COG4: variants seen among roughly 807,000 people sequenced by gnomAD.
The protein encoded by COG4 is component of oligomeric golgi complex 4, also known as conserved oligomeric Golgi complex subunit 4.
COG4 carries 65 observed loss-of-function variants against 95.1 expected under a neutral mutation model. The observed-to-expected ratio is 0.68, with a 90% CI of 0.56 to 0.84. The LOEUF is 0.84. Among genes scored for constraint, COG4 ranks in the 40% least tolerant of loss-of-function variants. COG4 has a pLI of 0.00. For synonymous variants in COG4, 421 were observed against 374.8 expected (o/e 1.12, Z -1.42); for missense variants, 1,045 against 989.1 (o/e 1.06, Z -0.76).
rs1237710539 is a variant in COG4 at position 70,506,593 on chromosome 16, C to CAAAAAAAA, written c.1061+1805_1061+1812dup. ...CCTGGGCAACAGAGCGAGACTGCCT[C>CAAAAAAAA]AAAAAAAAAAAAAAAAAAAAAAAAC... On this transcript the variant is annotated intron_variant, in intron 8 of 18. Coordinates refer to ENST00000323786, the MANE Select transcript of COG4 (RefSeq NM_015386.3). Among the ~76,000 whole-genome samples, 105 of 14,690 alleles carry CAAAAAAAA rather than the reference C, an allele frequency of 7.1e-3. 34 individuals are homozygous for CAAAAAAAA. Among genetic ancestry groups the CAAAAAAAA allele is most frequent in the East Asian group, 0.024 (6 of 246 alleles). The allele number at this position is 14,690 out of a possible 152,430, so 9.6% of individuals were successfully genotyped here. A position where few individuals can be genotyped will look rare whatever the true frequency, so the allele number is the denominator to read the frequency against.
intron 13 of COG4, among the ~76,000 whole-genome samples, chr16:70,486,722 C>T (rs1474390225): frequency 3.9e-5 from 6 of 152,218 alleles, no homozygotes; most frequent in East Asian, 1.9e-4. Flanking sequence ...GTCGGCCGGG[C>T]GCCGTGGCTC....
At chr16:70,503,677 C>G (rs1394974533) in intron 8 of COG4, among the ~76,000 whole-genome samples, 1 of 122,934 alleles carries the variant, frequency 8.1e-6, no homozygotes, top group Non-Finnish European at 1.5e-5. Flanking sequence ...TCACTGCAAG[C>G]TCCGCCTCTT....
At chr16:70,512,154 A>C (rs1005930866) in intron 5 of COG4, 85 bp downstream of exon 5, 1 of 1,253,702 alleles carries the variant, frequency 8.0e-7, no homozygotes, top group African/African-American at 1.5e-5. Context: ...GAGAGAAAGT[A>C]TCCACAGAAA....
At chr16:70,513,889 C>T (rs570119246) in intron 4 of COG4, among the ~76,000 whole-genome samples, 14 of 152,216 alleles carry the variant, frequency 9.2e-5, no homozygotes, top group Admixed American at 7.9e-4. Flanking sequence ...TGGTACAGGA[C>T]CTACGTATGG....
Position 70,510,747 on chromosome 16 carries a change from A to G in COG4, c.739-726T>C, listed in dbSNP as rs187481067. On this transcript the variant is annotated intron_variant, in intron 5 of 18. Transcript: ENST00000323786. ...GATGTCAAAGTATACTGATAAAAAAAGTACCATAGAGCAGGTTTCCTTTTT... is the reference window on the plus strand; with the variant it reads ...GATGTCAAAGTATACTGATAAAAAAGGTACCATAGAGCAGGTTTCCTTTTT... Among the ~76,000 whole-genome samples, 272 of 152,204 alleles carry G rather than the reference A, an allele frequency of 1.8e-3. 1 individual carries two copies. The highest frequency in any genetic ancestry group is 6.4e-3 in the African/African-American group (264 of 41,552).
intron 8 of COG4, among the ~76,000 whole-genome samples, chr16:70,505,255 T>C (rs1217948027): frequency 2.0e-5 from 3 of 148,580 alleles, no homozygotes; most frequent in East Asian, 2.0e-4. Flanking sequence ...TGGAGTGCAG[T>C]GGCACGATAT....
chr16:70,517,538 T>C, intron 3 of COG4, 88 bp downstream of exon 3: 1 of 772,290 alleles, frequency 1.3e-6, no homozygotes, highest in South Asian at 1.5e-5. Context: ...TAGTGAGCTG[T>C]CATTGTACCA....
chr16:70,523,304 G>T, intron 1 of COG4, 69 bp downstream of exon 1: 1 of 1,584,338 alleles, frequency 6.3e-7, no homozygotes, highest in Admixed American at 1.7e-5. Context: ...CCCACAGCCC[G>T]GATTTCCCGA....
At chr16:70,519,626 C>CT in intron 2 of COG4, 23 bp downstream of exon 2, 1 of 1,579,088 alleles carries the variant, frequency 6.3e-7, no homozygotes, top group Non-Finnish European at 8.7e-7. Context: ...TACATTAGCT[C>CT]TTGCTGAGAT....
At chr16:70,493,538 A>C (rs188319644) in intron 12 of COG4, among the ~76,000 whole-genome samples, 21 of 152,314 alleles carry the variant, frequency 1.4e-4, no homozygotes, top group Admixed American at 3.9e-4. Flanking sequence ...TGCAATGAGT[A>C]AGAGAGTGAA....
At chr16:70,487,180 A>C (rs1271769110) in intron 13 of COG4, among the ~76,000 whole-genome samples, 14 of 151,018 alleles carry the variant, frequency 9.3e-5, no homozygotes, top group Admixed American at 9.3e-4. Context: ...AATCCCAGCA[A>C]CTTAGGAAGC....
At chr16:70,491,210 C>A (rs1385239765) in intron 12 of COG4, among the ~76,000 whole-genome samples, 1 of 152,104 alleles carries the variant, frequency 6.6e-6, no homozygotes, top group Non-Finnish European at 1.5e-5. Flanking sequence ...GGAAATGAGA[C>A]TCCTCAGAAG....
intron 7 of COG4, 147 bp downstream of exon 7, chr16:70,509,084 G>C: frequency 1.0e-6 from 1 of 980,192 alleles, no homozygotes; most frequent in Non-Finnish European, 1.6e-6. Context: ...GCTGTCAATG[G>C]GCAAGATGCA....
Position 70,517,751 on chromosome 16 carries a change from A to G in COG4, c.255-11T>C, listed in dbSNP as rs754382281. The G allele has an allele frequency of 1.3e-6, 2 of 1,574,748 alleles. No individual in the cohort carries two copies. The highest frequency in any genetic ancestry group is 1.7e-5 in the Admixed American group (1 of 59,944). ...AGCTGCAGATTAGGACTGGAGAAAT[A>G]CATTGTTAGCATACACATAACGATA... On this transcript the variant is annotated splice_polypyrimidine_tract_variant and intron_variant, in intron 2 of 18. Transcript: ENST00000323786.
At chr16:70,508,755 G>A (rs768127898) in intron 7 of COG4, 1 of 608,190 alleles carries the variant, frequency 1.6e-6, no homozygotes, top group African/African-American at 1.8e-5. Flanking sequence ...AAATACAATT[G>A]TATGAGGCCA....
intron 2 of COG4, among the ~76,000 whole-genome samples, chr16:70,518,885 G>C (rs939333315): frequency 4.0e-5 from 6 of 151,878 alleles, no homozygotes; most frequent in Non-Finnish European, 7.4e-5. Flanking sequence ...GCTGAGGCAG[G>C]AGAATCGCTT....
intron 13 of COG4, among the ~76,000 whole-genome samples, chr16:70,484,493 T>G (rs981463819): frequency 1.3e-5 from 2 of 152,198 alleles, no homozygotes; most frequent in African/African-American, 2.4e-5. Flanking sequence ...ACCACAAAAG[T>G]CAGTTTCTGC....
At chr16:70,521,960 C>G (rs953155488) in intron 1 of COG4, among the ~76,000 whole-genome samples, 1 of 151,452 alleles carries the variant, frequency 6.6e-6, no homozygotes, top group African/African-American at 2.4e-5. Flanking sequence ...CTCAGCCTCC[C>G]AAAGTGCTGG....
intron 4 of COG4, among the ~76,000 whole-genome samples, chr16:70,512,719 C>G (rs1010839649): frequency 4.6e-5 from 7 of 152,178 alleles, no homozygotes; most frequent in Non-Finnish European, 1.0e-4. Context: ...GTGGCTCATG[C>G]CTGTAATCCC....
Sources: gnomAD v4.1 joint callset for allele counts (sites outside exome capture counted in the v4.1 genomes callset) on GRCh38, gnomAD v4.1.1 for gene constraint, MANE v1.5 for transcripts, NCBI Gene and HGNC (gene_info 2026-07-23, HGNC 2026-07-21) for gene names.